SEPTIN9: variants seen among roughly 807,000 people sequenced by gnomAD.
SEPTIN9 encodes septin 9.
SEPTIN9 carries 13 observed loss-of-function variants against 56.6 expected under a neutral mutation model. The observed-to-expected ratio is 0.23, with a 90% CI of 0.15 to 0.37. The LOEUF (loss-of-function observed/expected upper bound fraction) is 0.37. Ranked by LOEUF, SEPTIN9 falls within the 10% of genes least tolerant of loss-of-function variation. The pLI is 1.00. For missense variants in SEPTIN9, 650 were observed against 823.1 expected (o/e 0.79, Z 2.57); for synonymous variants, 332 against 334.1 (o/e 0.99, Z 0.07).
At chr17:77,439,955 C>T (rs2037484493) in intron 3 of SEPTIN9, among the ~76,000 whole-genome samples, 1 of 152,122 alleles carries the variant, frequency 6.6e-6, no homozygotes, top group South Asian at 2.1e-4. Context: ...TCCTCCTTGG[C>T]TCTAAGATCT....
Position 77,445,495 on chromosome 17 carries a change from G to C in SEPTIN9, c.722-36649G>C, listed in dbSNP as rs1028077061. 2.2e-6 allele frequency: 1 copy of C among 452,416 alleles called. No individual in the cohort carries two copies. The highest frequency in any genetic ancestry group is 4.6e-6 in the Non-Finnish European group (1 of 216,940). The allele number at this position is 452,416 out of a possible 1,614,324, so 28.0% of individuals were successfully genotyped here. On this transcript the variant is annotated intron_variant, in intron 3 of 11. Transcript: ENST00000427177. The surrounding 1 kb of genome is among the most constrained non-coding windows in gnomAD (Gnocchi z 4.7). Reference sequence around the variant, plus strand: ...GGCAGGAGCAGAGTGCAGGACCTGGGAACTGGGGGTTGGTGCATGTGTGCA... The same window carrying C: ...GGCAGGAGCAGAGTGCAGGACCTGGCAACTGGGGGTTGGTGCATGTGTGCA...
intron 2 of SEPTIN9, among the ~76,000 whole-genome samples, chr17:77,385,888 C>A (rs867744572): frequency 6.6e-6 from 1 of 152,190 alleles, no homozygotes; most frequent in Non-Finnish European, 1.5e-5. Flanking sequence ...AAGGCCCCTG[C>A]GGCTGTGCCT....
chr17:77,281,827 C>A, intron 1 of SEPTIN9: 1 of 461,420 alleles, frequency 2.2e-6, no homozygotes, highest in Non-Finnish European at 3.8e-6. Flanking sequence ...TGCACCCTCG[C>A]AGGAATCGCT....
At chr17:77,365,394 CTCTT>C (rs1019218913) in intron 2 of SEPTIN9, among the ~76,000 whole-genome samples, 16 of 151,340 alleles carry the variant, frequency 1.1e-4, no homozygotes, top group African/African-American at 2.4e-4. Context: ...TTATTCTTTC[CTCTT>C]TCTTTCTTTC....
intron 2 of SEPTIN9, chr17:77,320,364 C>A: frequency 6.2e-7 from 1 of 1,610,142 alleles, no homozygotes. Context: ...CAGACAGCCC[C>A]CTCCCCATCG....
In SEPTIN9 at chr17:77,498,502, GCCCGCCC is replaced by G; in HGVS notation, c.1626-17_1626-11del. ...CCCGCTGCGCCCACCTCACTGACCC[GCCCGCCC>G]CCCACCCCCACAGGACGCACATGCA... On this transcript the variant is annotated splice_polypyrimidine_tract_variant and intron_variant, in intron 11 of 11. Coordinates refer to ENST00000427177, the MANE Select transcript of SEPTIN9 (RefSeq NM_001113491.2). 3 of 156,920 alleles carry G rather than the reference GCCCGCCC, an allele frequency of 1.9e-5. No homozygotes were observed. The highest frequency in any genetic ancestry group is 3.6e-5 in the Non-Finnish European group (3 of 82,326). 9.7% of individuals were successfully genotyped at this position (156,920 alleles called of 1,614,324 possible).
rs1254696962 is a variant in SEPTIN9 at position 77,389,537 on chromosome 17, G to A, written c.77-12522G>A. ...TTTTCGAAGTCAATCACCTCCCAGG[G>A]CCTCGCTCCTGCCTTCAGCGACAGC... is the stretch of plus-strand genomic sequence containing the variant. On this transcript the variant is annotated intron_variant, in intron 2 of 11. Transcript: ENST00000427177. The surrounding 1 kb of genome is among the most constrained non-coding windows in gnomAD (Gnocchi z 4.3). Among the ~76,000 whole-genome samples the A allele has an allele frequency of 6.6e-6, 1 of 152,156 alleles. No individual in the cohort carries two copies. Among genetic ancestry groups the A allele is most frequent in the Non-Finnish European group, 1.5e-5 (1 of 68,036 alleles).
chr17:77,320,023 G>A (rs2032850264), intron 2 of SEPTIN9: 2 of 1,335,804 alleles, frequency 1.5e-6, no homozygotes, highest in Admixed American at 3.3e-5. Flanking sequence ...GCCCACTTCG[G>A]GCCCTCTCTC....
intron 2 of SEPTIN9, among the ~76,000 whole-genome samples, chr17:77,333,721 A>G (rs1338494945): frequency 6.6e-6 from 1 of 152,168 alleles, no homozygotes; most frequent in Non-Finnish European, 1.5e-5. Flanking sequence ...GCTTTTATGA[A>G]TTAACTTTTG....
intron 1 of SEPTIN9, among the ~76,000 whole-genome samples, chr17:77,284,310 G>A (rs1038536846): frequency 3.9e-5 from 6 of 152,230 alleles, no homozygotes; most frequent in African/African-American, 1.4e-4. Context: ...CTGTAAGAAG[G>A]TCTTTTCCAA....
intron 3 of SEPTIN9, chr17:77,419,995 G>C (rs2036643433): frequency 6.6e-6 from 1 of 152,340 alleles, no homozygotes; most frequent in Non-Finnish European, 1.5e-5. Flanking sequence ...CCGTGGTTGG[G>C]GGGAGGGCGG....
intron 2 of SEPTIN9, among the ~76,000 whole-genome samples, chr17:77,322,138 G>A (rs2032961164): frequency 6.6e-6 from 1 of 152,254 alleles, no homozygotes; most frequent in Non-Finnish European, 1.5e-5. Context: ...CCGAGGCCCA[G>A]ATGGGTGACC....
intron 2 of SEPTIN9, among the ~76,000 whole-genome samples, chr17:77,348,280 CTATTT>C (rs1302636289): frequency 1.7e-5 from 2 of 118,038 alleles, no homozygotes; most frequent in African/African-American, 6.5e-5. Context: ...TTTTAGAATT[CTATTT>C]TAATTTATGT....
chr17:77,281,748 C>T (rs1402358927), intron 1 of SEPTIN9, 194 bp downstream of exon 1: 1 of 545,554 alleles, frequency 1.8e-6, no homozygotes, highest in South Asian at 2.4e-5. Flanking sequence ...CCGTCCCCTG[C>T]GCTGTCTCCA....
chr17:77,403,133 C>T (rs912967099), intron 3 of SEPTIN9, among the ~76,000 whole-genome samples: 1 of 152,080 alleles, frequency 6.6e-6, no homozygotes, highest in Admixed American at 6.5e-5. Context: ...ATTCTGGTGG[C>T]TCCTGCTTGA....
At chr17:77,309,832 G>A (rs961676625) in intron 2 of SEPTIN9, among the ~76,000 whole-genome samples, 4 of 152,238 alleles carry the variant, frequency 2.6e-5, no homozygotes, top group African/African-American at 4.8e-5. Context: ...CGCTTAAGAA[G>A]TGAGACATTG....
chr17:77,378,733 A>G (rs939901186), intron 2 of SEPTIN9, among the ~76,000 whole-genome samples: 1 of 152,096 alleles, frequency 6.6e-6, no homozygotes, highest in East Asian at 1.9e-4. Context: ...CAGTGCAGCC[A>G]TGGGACCCCC....
intron 1 of SEPTIN9, 116 bp downstream of exon 1, chr17:77,281,670 C>T (rs1455187564): frequency 7.7e-6 from 8 of 1,035,338 alleles, no homozygotes; most frequent in Admixed American, 2.6e-5. Flanking sequence ...GTCCCCGCGG[C>T]GGGCACACTG....
chr17:77,366,904 A>T (rs2034588096), intron 2 of SEPTIN9, among the ~76,000 whole-genome samples: 1 of 152,202 alleles, frequency 6.6e-6, no homozygotes, highest in Non-Finnish European at 1.5e-5. Context: ...AATTTAGAAC[A>T]CTAATACTTT....
Sources: allele counts gnomAD v4.1 joint callset (sites outside exome capture counted in the v4.1 genomes callset), GRCh38; gene constraint gnomAD v4.1.1; non-coding constraint Gnocchi (gnomAD v3.1); transcripts MANE v1.5; gene names NCBI Gene and HGNC (gene_info 2026-07-23, HGNC 2026-07-21).